Variants in GPR75 observed in about 807,000 individuals in gnomAD.
The protein encoded by GPR75 is probable G protein-coupled receptor 75.
A neutral mutation model predicts 26.0 loss-of-function variants in GPR75; 27 were observed. The observed-to-expected ratio is 1.04, with a 90% confidence interval of 0.77 to 1.43. The LOEUF is 1.43. GPR75 is among the 40% of genes most tolerant of loss of function. The pLI is 0.00. For synonymous variants in GPR75, 285 were observed against 256.3 expected, an observed-to-expected ratio of 1.11 and a Z score of -1.07; for missense variants, 699 against 662.3, an observed-to-expected ratio of 1.06 and a Z score of -0.61.
intron 1 of GPR75, among the ~76,000 whole-genome samples, chr2:53,858,188 C>T (rs183946467): frequency 2.0e-5 from 3 of 152,240 alleles, no homozygotes; most frequent in South Asian, 2.1e-4. Context: ...AACAAAAAAA[C>T]CTTTTTGGGA....
At chr2:53,856,075 G>A (rs989999344) in intron 1 of GPR75, among the ~76,000 whole-genome samples, 2 of 152,172 alleles carry the variant, frequency 1.3e-5, no homozygotes, top group East Asian at 1.9e-4. Flanking sequence ...TCCTGCATTC[G>A]TTCGCTCAAT....
At chr2:53,856,321 C>T (rs1331729307) in intron 1 of GPR75, among the ~76,000 whole-genome samples, 1 of 152,112 alleles carries the variant, frequency 6.6e-6, no homozygotes, top group African/African-American at 2.4e-5. Flanking sequence ...CTGGTGGGAC[C>T]GACTAAGCTG....
At position 53,853,458 on chromosome 2, in the gene GPR75, T is replaced by C. The variant is rs1678142782; in HGVS notation, c.1299A>G (p.Leu433=). Residue 433 remains leucine (L), a synonymous_variant, in exon 2 of 2, where the codon TTA becomes TTG. Coordinates refer to ENST00000394705, the MANE Select transcript of GPR75 (RefSeq NM_006794.4). Reference sequence around the variant, plus strand: ...CAAATTTCTTCTGTGGCTTTGGAGATAACATGTAGGCAGAGTTTGTTTCAT... The same window carrying C: ...CAAATTTCTTCTGTGGCTTTGGAGACAACATGTAGGCAGAGTTTGTTTCAT... ...SHHETNSAYM[L]SPKPQKKFVD... is the part of the protein sequence containing the mutation. 6.2e-7 allele frequency: 1 copy of C among 1,614,124 alleles called. No homozygotes were observed. Among genetic ancestry groups the C allele is most frequent in the East Asian group, 2.2e-5 (1 of 44,878 alleles).
Position 53,853,813 on chromosome 2 carries a change from T to A in GPR75, c.944A>T (p.Lys315Met). The A allele has an allele frequency of 6.2e-7, 1 of 1,614,158 alleles. No homozygotes were observed. Among genetic ancestry groups the A allele is most frequent in the African/African-American group, 1.3e-5 (1 of 75,054 alleles). Reference sequence around the variant, plus strand: ...ACAGGTGACCACGGCTTTGGAATCCTTGGCAGTGGAGAGGTTGATGGCTGA... The same window carrying A: ...ACAGGTGACCACGGCTTTGGAATCCATGGCAGTGGAGAGGTTGATGGCTGA... ...LVSAINLSTAKDSKAVVTCVI... is the reference protein window; with the variant it reads ...LVSAINLSTAMDSKAVVTCVI... The change falls in exon 2 of 2, where the codon AAG becomes ATG. Residue 315 changes from lysine to methionine, a missense_variant. Coordinates refer to ENST00000394705, the MANE Select transcript of GPR75 (RefSeq NM_006794.4).
rs148674592 is a variant in GPR75, at chr2:53,854,274, G to C, written c.483C>G (p.Thr161=). Residue 161 remains threonine (T), a synonymous_variant, in exon 2 of 2, where the codon ACC becomes ACG. Transcript: ENST00000394705. ...CCCAGAGAAGCAGGGTGAGGAGTAC[G>C]GTGCAGGGAAAGGAGGCCGTGCGAT... ...QPNRTASFPC[T]VLLTLLLWAT... The C allele has an allele frequency of 3.1e-6, 5 of 1,614,098 alleles. No individual in the cohort carries two copies. The highest frequency in any genetic ancestry group is 4.2e-6 in the Non-Finnish European group (5 of 1,180,022).
At chr2:53,854,982 G>A (rs567133669) in intron 1 of GPR75, 117 bp from the exon 2 acceptor site, 6 of 501,972 alleles carry the variant, frequency 1.2e-5, no homozygotes, top group African/African-American at 3.8e-5. Context: ...CTCACCTTGA[G>A]AGAAAAATTT....
At chr2:53,859,256 T>C (rs1043107324) in intron 1 of GPR75, among the ~76,000 whole-genome samples, 20 of 151,932 alleles carry the variant, frequency 1.3e-4, no homozygotes, top group Non-Finnish European at 2.2e-4. Flanking sequence ...TGTATTTCTA[T>C]CGATCAGGAA....
chr2:53,857,306 A>T (rs1204432382), intron 1 of GPR75, among the ~76,000 whole-genome samples: 1 of 152,194 alleles, frequency 6.6e-6, no homozygotes, highest in African/African-American at 2.4e-5. Flanking sequence ...AGTTGCTAAC[A>T]GGAGTATTAC....
At chr2:53,858,560 G>A (rs1211573608) in intron 1 of GPR75, among the ~76,000 whole-genome samples, 1 of 151,980 alleles carries the variant, frequency 6.6e-6, no homozygotes, top group African/African-American at 2.4e-5. Context: ...AAAAGCAGAG[G>A]ACAGAAAAGA....
At chr2:53,856,642 C>T (rs1022357137) in intron 1 of GPR75, among the ~76,000 whole-genome samples, 2 of 152,300 alleles carry the variant, frequency 1.3e-5, no homozygotes, top group African/African-American at 4.8e-5. Flanking sequence ...CAGACATATA[C>T]CAGTCCTGGG....
chr2:53,854,791 A>C lies in GPR75; in HGVS notation c.-35T>G, dbSNP rs199828392. ...GAAATGTCTCCTTCTTCTGCTCCCCAAAAATACTCAGTGAGTCAGGGCCTC... is the reference window on the plus strand; with the variant it reads ...GAAATGTCTCCTTCTTCTGCTCCCCCAAAATACTCAGTGAGTCAGGGCCTC... On this transcript the variant is annotated 5_prime_UTR_variant, in exon 2 of 2. Transcript: ENST00000394705. 4.8e-5 allele frequency: 75 copies of C among 1,548,132 alleles called. No individual in the cohort carries two copies. In the African/African-American group the frequency reaches 7.3e-4, roughly 15 times the overall value.
In GPR75 at chr2:53,853,180, T is replaced by C. The variant is rs765133450; in HGVS notation, c.1577A>G (p.Glu526Gly). 5 of 1,613,856 alleles carry C rather than the reference T, an allele frequency of 3.1e-6. No homozygotes were observed. The South Asian group carries it at 4.4e-5, about 14-fold the overall frequency. Reference protein sequence around the residue: ...HYHTTNDLVQEYDSTSAKQIP... With the variant: ...HYHTTNDLVQGYDSTSAKQIP... ...CTGCTTGGCTGAAGTGCTGTCATAT[T>C]CCTGCACTAAGTCATTAGTGGTGTG... Residue 526 changes from glutamate to glycine, a missense_variant, in exon 2 of 2, where the codon GAA becomes GGA. Coordinates refer to ENST00000394705, the MANE Select transcript of GPR75 (RefSeq NM_006794.4).
chr2:53,859,741 G>C (rs978767789), intron 1 of GPR75, 87 bp downstream of exon 1: 3 of 1,036,442 alleles, frequency 2.9e-6, no homozygotes, highest in Non-Finnish European at 4.1e-6. Context: ...GCCCAGCGCA[G>C]CCGCGCTCCT....
intron 1 of GPR75, among the ~76,000 whole-genome samples, chr2:53,856,966 T>TTTTTTTTTTTTTTTTTC (rs1553399612): frequency 7.8e-6 from 1 of 127,766 alleles, no homozygotes; most frequent in African/African-American, 2.9e-5. Flanking sequence ...TTTTTTTTTT[T>TTTTTTTTTTTTTTTTTC]TTTTTTTTGA....
At position 53,859,873 on chromosome 2, in the gene GPR75, GA is replaced by G; in HGVS notation, c.-156del. The G allele has an allele frequency of 6.5e-7, 1 of 1,531,872 alleles. No individual in the cohort carries two copies. The highest frequency in any genetic ancestry group is 1.4e-5 in the African/African-American group (1 of 72,150). 94.9% of individuals were successfully genotyped at this position (1,531,872 alleles called of 1,614,324 possible). On this transcript the variant is annotated 5_prime_UTR_variant, in exon 1 of 2. An upstream open reading frame in the 5' UTR gains an earlier in-frame stop. Transcript: ENST00000394705. ...CGCCCCTCCTCCATCTCGCAGTCCG[GA>G]CCCCAGCTCCGCCTGCCGCTCTGGA...
At position 53,854,776 on chromosome 2, in the gene GPR75, C is replaced by A; in HGVS notation, c.-20G>T. On this transcript the variant is annotated 5_prime_UTR_variant, in exon 2 of 2. The change creates a new upstream start codon in the 5' untranslated region. Transcript: ENST00000394705. ...GTTCATTTTCGGAGAGAAATGTCTC[C>A]TTCTTCTGCTCCCCAAAAATACTCA... 1.3e-6 allele frequency: 2 copies of A among 1,595,008 alleles called. No individual in the cohort carries two copies. Among genetic ancestry groups the A allele is most frequent in the Non-Finnish European group, 8.6e-7 (1 of 1,167,880 alleles).
In GPR75 at chr2:53,858,111, G is replaced by T. The variant is rs1678278853; in HGVS notation, c.-110+1717C>A. On this transcript the variant is annotated intron_variant, in intron 1 of 1. Transcript: ENST00000394705. ...AAGTCAAAGAGAGGTTATCTAAAGT[G>T]GTGGAACATGGATTTGAATCTAAGC... Among the ~76,000 whole-genome samples the T allele has an allele frequency of 2.0e-5, 3 of 152,218 alleles. No homozygotes were observed. In the South Asian group the frequency reaches 6.2e-4, roughly 32 times the overall value.
intron 1 of GPR75, among the ~76,000 whole-genome samples, chr2:53,857,714 A>G (rs115979215): frequency 0.023 from 3,510 of 152,234 alleles, 53 homozygotes; most frequent in Non-Finnish European, 0.033. Flanking sequence ...TTGTACAGTT[A>G]CATTTTTTCA....
rs150138721 is a variant in GPR75 at position 53,858,402 on chromosome 2, G to C, written c.-110+1426C>G. On this transcript the variant is annotated intron_variant, in intron 1 of 1. Transcript: ENST00000394705. ...ATCTACATCTATGTAGATACAGATA[G>C]ACACACACACACACACACACACACA... 2.1e-4 allele frequency among the ~76,000 whole-genome samples: 30 copies of C among 145,138 alleles called. 1 individual carries two copies. The highest frequency in any genetic ancestry group is 7.6e-4 in the Admixed American group (11 of 14,416).
Sources: gnomAD v4.1 joint callset for allele counts (sites outside exome capture counted in the v4.1 genomes callset) on GRCh38, gnomAD v4.1.1 for gene constraint, MANE v1.5 for transcripts, NCBI Gene and HGNC (gene_info 2026-07-23, HGNC 2026-07-21) for gene names.